Variants in TRIM42 observed in about 807,000 individuals in gnomAD.
TRIM42 encodes tripartite motif containing 42, also known as tripartite motif-containing protein 42.
A neutral mutation model predicts 64.9 loss-of-function variants in TRIM42; 59 were observed. That is an observed-to-expected ratio of 0.91 (90% confidence interval 0.74 to 1.13). The LOEUF is 1.13. Ranked by LOEUF, TRIM42 falls within the 50% of genes most tolerant of loss-of-function variation. The pLI, the probability that TRIM42 is intolerant of heterozygous loss-of-function variation, is 0.00. For synonymous variants in TRIM42, 354 were observed against 346.3 expected (o/e 1.02, Z -0.25); for missense variants, 878 against 929.5 (o/e 0.94, Z 0.72).
chr3:140,688,671 G>A (rs1988630405), intron 3 of TRIM42, 129 bp downstream of exon 3: 1 of 701,158 alleles, frequency 1.4e-6, no homozygotes, highest in African/African-American at 1.8e-5. Flanking sequence ...TGCTCCTCTA[G>A]ACTCTTTGTG....
chr3:140,679,930 A>G (rs77649903), intron 1 of TRIM42, among the ~76,000 whole-genome samples: 2,961 of 143,788 alleles, frequency 0.021, 99 homozygotes, highest in African/African-American at 0.069. Flanking sequence ...GAGCATCTGA[A>G]TTAATTAGAA....
At chr3:140,691,948 T>C (rs990562406) in intron 4 of TRIM42, among the ~76,000 whole-genome samples, 4 of 149,856 alleles carry the variant, frequency 2.7e-5, no homozygotes, top group African/African-American at 9.8e-5. Context: ...GTCGATTACA[T>C]CTTAATCAGG....
intron 2 of TRIM42, among the ~76,000 whole-genome samples, chr3:140,683,432 G>C (rs1017729489): frequency 1.3e-5 from 2 of 152,208 alleles, no homozygotes; most frequent in African/African-American, 4.8e-5. Context: ...TGAGGATTAA[G>C]TGAGTTCCTC....
chr3:140,688,605 T>C, intron 3 of TRIM42, 63 bp downstream of exon 3: 1 of 1,374,068 alleles, frequency 7.3e-7, no homozygotes, highest in Non-Finnish European at 1.0e-6. Context: ...TAGAAGTGAG[T>C]AGTCAGGAAA....
At chr3:140,684,026 C>T (rs1384304128) in intron 2 of TRIM42, among the ~76,000 whole-genome samples, 1 of 152,004 alleles carries the variant, frequency 6.6e-6, no homozygotes, top group African/African-American at 2.4e-5. Context: ...GGGTATGTCT[C>T]TACCTGGTCA....
At chr3:140,691,659 C>T (rs1988719111) in intron 4 of TRIM42, among the ~76,000 whole-genome samples, 1 of 152,072 alleles carries the variant, frequency 6.6e-6, no homozygotes, top group African/African-American at 2.4e-5. Context: ...AAAATATGTC[C>T]AGTGCAATAT....
At position 140,678,440 on chromosome 3, in the gene TRIM42, G is replaced by A; in HGVS notation, c.211G>A (p.Ala71Thr). ...CTGCCATTGGTGTTGCTGCTCTTGGGCCAATGATCCCAACTGTAAGTGCTG... is the reference window on the plus strand; with the variant it reads ...CTGCCATTGGTGTTGCTGCTCTTGGACCAATGATCCCAACTGTAAGTGCTG... The part of the protein sequence containing the change: ...PNCHWCCCSW[A>T]NDPNCKCCCT... Residue 71 changes from alanine to threonine, a missense_variant, in exon 1 of 5, where the codon GCC becomes ACC. Transcript: ENST00000286349. The A allele has an allele frequency of 1.2e-6, 2 of 1,614,132 alleles. No homozygotes were observed. Among genetic ancestry groups the A allele is most frequent in the Admixed American group, 1.7e-5 (1 of 60,008 alleles).
chr3:140,686,051 G>C (rs1179572485), intron 2 of TRIM42, among the ~76,000 whole-genome samples: 1 of 152,114 alleles, frequency 6.6e-6, no homozygotes, highest in Non-Finnish European at 1.5e-5. Context: ...GGACATTTGT[G>C]GCTTCCTCTG....
At chr3:140,682,368 G>A in intron 1 of TRIM42, 94 bp from the exon 2 acceptor site, 1 of 1,241,428 alleles carries the variant, frequency 8.1e-7, no homozygotes, top group Non-Finnish European at 1.1e-6. Flanking sequence ...ACACTAGACT[G>A]CCCCTCAGGA....
rs1429797501 is a variant in TRIM42, at chr3:140,682,640, C to G, written c.520C>G (p.Gln174Glu). 1 of 1,613,884 alleles carries G rather than the reference C, an allele frequency of 6.2e-7. No homozygotes were observed. The highest frequency in any genetic ancestry group is 8.5e-7 in the Non-Finnish European group (1 of 1,180,050). ...SLCEKCLRQL[Q>E]KHAEVTENFF... ...GTGCGAGAAGTGCCTGCGGCAGCTG[C>G]AGAAGCACGCCGAGGTCACCGAGAA... The change falls in exon 2 of 5, where the codon CAG becomes GAG. Residue 174 changes from glutamine (Q) to glutamate (E), a missense_variant. Gln to Glu is a conservative substitution (Grantham distance 29). Coordinates refer to ENST00000286349, the MANE Select transcript of TRIM42 (RefSeq NM_152616.5).
chr3:140,679,357 C>A (rs1340997065), intron 1 of TRIM42, among the ~76,000 whole-genome samples: 1 of 152,138 alleles, frequency 6.6e-6, no homozygotes, highest in Non-Finnish European at 1.5e-5. Flanking sequence ...CCTGCTCTAC[C>A]AAACCAGTCT....
At position 140,678,208 on chromosome 3, in the gene TRIM42, C is replaced by T. The variant is rs753337778; in HGVS notation, c.-22C>T. The stretch of plus-strand genomic sequence containing the variant: ...GGAGGCATCAAGAGTCCTGGGAGGC[C>T]GGTGGTAATCATGTAGGCACCATGG... On this transcript the variant is annotated 5_prime_UTR_variant, in exon 1 of 5. Coordinates refer to ENST00000286349, the MANE Select transcript of TRIM42 (RefSeq NM_152616.5). 64 of 1,599,262 alleles carry T rather than the reference C, an allele frequency of 4.0e-5. No individual in the cohort carries two copies. The highest frequency in any genetic ancestry group is 2.9e-4 in the East Asian group (13 of 44,724).
Position 140,701,020 on chromosome 3 carries a change from C to T in TRIM42, c.*46C>T, listed in dbSNP as rs770960687. 6.0e-6 allele frequency: 9 copies of T among 1,510,190 alleles called. No individual in the cohort carries two copies. Among genetic ancestry groups the T allele is most frequent in the Non-Finnish European group, 8.3e-6 (9 of 1,090,038 alleles). 93.5% of individuals were successfully genotyped at this position (1,510,190 alleles called of 1,614,324 possible). A position where few individuals can be genotyped will look rare whatever the true frequency, so the allele number is the denominator to read the frequency against. ...AACCTCAGACTCATCACAAAGTAGACATATACACACACATATATGTATGTA... is the reference window on the plus strand; with the variant it reads ...AACCTCAGACTCATCACAAAGTAGATATATACACACACATATATGTATGTA... On this transcript the variant is annotated 3_prime_UTR_variant, in exon 5 of 5. Transcript: ENST00000286349.
intron 4 of TRIM42, among the ~76,000 whole-genome samples, chr3:140,697,358 C>T (rs917948029): frequency 2.0e-5 from 3 of 152,102 alleles, no homozygotes; most frequent in Admixed American, 2.0e-4. Flanking sequence ...TCAAAATCAT[C>T]AATTATTTTT....
chr3:140,698,509 C>A (rs368626556), intron 4 of TRIM42, among the ~76,000 whole-genome samples: 68 of 152,030 alleles, frequency 4.5e-4, no homozygotes, highest in South Asian at 1.0e-3. Context: ...TTCACACACA[C>A]AAAAAAAGAT....
At chr3:140,680,740 G>A in intron 1 of TRIM42, 1 of 984,158 alleles carries the variant, frequency 1.0e-6, no homozygotes, top group Non-Finnish European at 1.2e-6. Context: ...AGCATGCCTA[G>A]AGCTCCCAGA....
chr3:140,692,562 C>CACACACACACACACACACACAGAGAG (rs375439126), intron 4 of TRIM42, among the ~76,000 whole-genome samples: 23 of 114,204 alleles, frequency 2.0e-4, no homozygotes, highest in South Asian at 6.3e-4. Context: ...CACACACACA[C>CACACACACACACACACACACAGAGAG]AGAGAGAGAT....
rs1408160535 is a variant in TRIM42 at position 140,683,009 on chromosome 3, C to T, written c.889C>T (p.Arg297Cys). ...EKICIHHPSS[R>C]IIEYCRNDNK... ...GATCTGCATCCACCACCCATCCAGC[C>T]GCATCATCGAGTACTGCCGCAATGA... The change falls in exon 2 of 5, where the codon CGC becomes TGC. Residue 297 changes from arginine (R) to cysteine (C), a missense_variant. Coordinates refer to ENST00000286349, the MANE Select transcript of TRIM42 (RefSeq NM_152616.5). 3 of 1,614,098 alleles carry T rather than the reference C, an allele frequency of 1.9e-6. No homozygotes were observed. Among genetic ancestry groups the T allele is most frequent in the Non-Finnish European group, 2.5e-6 (3 of 1,180,044 alleles).
rs370794923 is a variant in TRIM42 at position 140,691,487 on chromosome 3, G to GTTCCC, written c.2085+296_2085+297insTCCCT. On this transcript the variant is annotated intron_variant, in intron 4 of 4. Coordinates refer to ENST00000286349, the MANE Select transcript of TRIM42 (RefSeq NM_152616.5). ...CTGCCTTCAAGGTGCTCAGGGTCTA[G>GTTCCC]TAAACAAATAATTGTTGTGTGAGAA... Among the ~76,000 whole-genome samples the GTTCCC allele has an allele frequency of 1.1e-3, 168 of 152,286 alleles. 1 individual carries two copies. Among genetic ancestry groups the GTTCCC allele is most frequent in the African/African-American group, 3.8e-3 (159 of 41,566 alleles).
Sources: allele counts gnomAD v4.1 joint callset (sites outside exome capture counted in the v4.1 genomes callset), GRCh38; gene constraint gnomAD v4.1.1; transcripts MANE v1.5; gene names NCBI Gene and HGNC (gene_info 2026-07-23, HGNC 2026-07-21).